Variants in SNTB2 observed in about 807,000 individuals in gnomAD.
The protein encoded by SNTB2 is beta-2-syntrophin.
Under a neutral mutation model 46.2 loss-of-function variants are expected in SNTB2, and 34 were observed. The observed-to-expected ratio is 0.74, with a 90% CI of 0.56 to 0.98. The LOEUF (loss-of-function observed/expected upper bound fraction) is 0.98, where lower values mean the gene tolerates loss of function less well. Among genes scored for constraint, SNTB2 ranks in the 50% least tolerant of loss-of-function variants. The pLI is 0.00. For missense variants in SNTB2, 603 were observed against 731.4 expected (o/e 0.82, Z 2.02); for synonymous variants, 290 against 312.6 (o/e 0.93, Z 0.76).
rs868820657 is a variant in SNTB2 at position 69,249,473 on chromosome 16, G to A, written c.794+3658G>A. Among the ~76,000 whole-genome samples the A allele has an allele frequency of 9.2e-5, 14 of 152,346 alleles. No homozygotes were observed. In the Middle Eastern group the frequency reaches 0.01, roughly 111 times the overall value. The stretch of plus-strand genomic sequence containing the variant: ...AGGAAGAAGATGATATGACTTGGCT[G>A]TATTGCTAAACGTTGTGCTACTTCG... On this transcript the variant is annotated intron_variant, in intron 2 of 6. Transcript: ENST00000336278.
In SNTB2 at chr16:69,300,813, T is replaced by C. The variant is rs1037949011; in HGVS notation, c.1531-19T>C. ...TATATGGTAGTGAGGTAGTGATGCT[T>C]AGTGTCCTTTCTCCACAGACCATGG... On this transcript the variant is annotated intron_variant, in intron 6 of 6. Coordinates refer to ENST00000336278, the MANE Select transcript of SNTB2 (RefSeq NM_006750.4). 3 of 1,531,836 alleles carry C rather than the reference T, an allele frequency of 2.0e-6. No individual in the cohort carries two copies. In the African/African-American group the frequency reaches 4.1e-5, roughly 21 times the overall value. 94.9% of individuals were successfully genotyped at this position (1,531,836 alleles called of 1,614,324 possible).
At chr16:69,285,996 T>C (rs1567415032) in intron 5 of SNTB2, among the ~76,000 whole-genome samples, 1 of 152,176 alleles carries the variant, frequency 6.6e-6, no homozygotes, top group Non-Finnish European at 1.5e-5. Flanking sequence ...TTTCACCATA[T>C]TGGCCAGGCT....
In SNTB2 at chr16:69,308,883, A is replaced by G. The variant is rs183945901; in HGVS notation, c.*7959A>G. 6 of 152,674 alleles carry G rather than the reference A, an allele frequency of 3.9e-5. No homozygotes were observed. Among genetic ancestry groups the G allele is most frequent in the African/African-American group, 1.2e-4 (5 of 41,582 alleles). 9.5% of individuals were successfully genotyped at this position (152,674 alleles called of 1,614,324 possible). On this transcript the variant is annotated 3_prime_UTR_variant, in exon 7 of 7. Transcript: ENST00000336278. ...TGTGTTCCTAATTTTAAAAAGCTTTATGTATACTCTATAAATATAGATGCA... is the reference window on the plus strand; with the variant it reads ...TGTGTTCCTAATTTTAAAAAGCTTTGTGTATACTCTATAAATATAGATGCA...
chr16:69,189,488 C>T (rs1374496244), intron 1 of SNTB2, among the ~76,000 whole-genome samples: 1 of 152,204 alleles, frequency 6.6e-6, no homozygotes, highest in Non-Finnish European at 1.5e-5. Context: ...GGCGTGGTGG[C>T]TCATGCCTAT....
At chr16:69,259,602 C>CTTTT (rs746479723) in intron 2 of SNTB2, among the ~76,000 whole-genome samples, 2 of 120,616 alleles carry the variant, frequency 1.7e-5, no homozygotes, top group Non-Finnish European at 1.8e-5. Flanking sequence ...GAGAAAGTAT[C>CTTTT]TTTTTTTTTT....
chr16:69,237,319 A>G (rs1165627761), intron 1 of SNTB2, among the ~76,000 whole-genome samples: 1 of 152,212 alleles, frequency 6.6e-6, no homozygotes, highest in Non-Finnish European at 1.5e-5. Context: ...ATTGCCATAC[A>G]TATTGGAATG....
intron 2 of SNTB2, among the ~76,000 whole-genome samples, chr16:69,255,554 C>T (rs1302793833): frequency 1.4e-5 from 2 of 143,020 alleles, no homozygotes; most frequent in South Asian, 2.2e-4. Context: ...AGCCAGACTC[C>T]GTCTTAAAAA....
intron 4 of SNTB2, among the ~76,000 whole-genome samples, chr16:69,271,416 T>C (rs937911783): frequency 9.9e-5 from 15 of 152,124 alleles, no homozygotes; most frequent in African/African-American, 3.6e-4. Context: ...TAATATTTGG[T>C]TTTTTAAATC....
At chr16:69,217,283 G>A (rs1407724720) in intron 1 of SNTB2, among the ~76,000 whole-genome samples, 1 of 152,036 alleles carries the variant, frequency 6.6e-6, no homozygotes, top group African/African-American at 2.4e-5. Context: ...TGACCAGCCT[G>A]GGCAACATGG....
intron 2 of SNTB2, among the ~76,000 whole-genome samples, chr16:69,250,202 T>G (rs1964712973): frequency 6.6e-6 from 1 of 152,242 alleles, no homozygotes; most frequent in African/African-American, 2.4e-5. Flanking sequence ...CATGCGTTTT[T>G]TAGACATAAA....
intron 1 of SNTB2, among the ~76,000 whole-genome samples, chr16:69,225,809 C>T (rs895732202): frequency 1.3e-5 from 2 of 152,160 alleles, no homozygotes; most frequent in Admixed American, 6.5e-5. Flanking sequence ...ACTCTGTCAC[C>T]CAGGCTGGAG....
rs1964775203 is a variant in SNTB2 at position 69,256,272 on chromosome 16, A to C, written c.795-3778A>C. Among the ~76,000 whole-genome samples the C allele has an allele frequency of 3.3e-5, 5 of 152,280 alleles. No individual in the cohort carries two copies. The South Asian group carries it at 1.0e-3, about 32-fold the overall frequency. ...TGGCTTCAAGTGATTTCCCCGCCTC[A>C]GCCTCCCCAAAGTGTTGGGATTACA... On this transcript the variant is annotated intron_variant, in intron 2 of 6. Transcript: ENST00000336278.
intron 1 of SNTB2, among the ~76,000 whole-genome samples, chr16:69,200,385 G>A (rs1209089588): frequency 6.6e-6 from 1 of 152,190 alleles, no homozygotes; most frequent in Non-Finnish European, 1.5e-5. Context: ...TACTCCTCCA[G>A]ACTGTACCAT....
At chr16:69,272,994 T>G (rs1367745190) in intron 4 of SNTB2, among the ~76,000 whole-genome samples, 1 of 152,100 alleles carries the variant, frequency 6.6e-6, no homozygotes, top group African/African-American at 2.4e-5. Context: ...TTCAGCATCC[T>G]TAGCCATCAG....
intron 4 of SNTB2, among the ~76,000 whole-genome samples, chr16:69,278,720 T>C (rs1365678612): frequency 6.6e-6 from 1 of 152,252 alleles, no homozygotes; most frequent in Non-Finnish European, 1.5e-5. Context: ...CCTCCCAACG[T>C]GCTGGGATTA....
At chr16:69,235,097 G>A (rs1164421519) in intron 1 of SNTB2, among the ~76,000 whole-genome samples, 1 of 151,510 alleles carries the variant, frequency 6.6e-6, no homozygotes, top group Non-Finnish European at 1.5e-5. Context: ...TGCAGCCTCT[G>A]TCGCCTGGTT....
intron 2 of SNTB2, among the ~76,000 whole-genome samples, chr16:69,248,669 C>T (rs945223970): frequency 7.9e-5 from 12 of 151,904 alleles, no homozygotes; most frequent in Admixed American, 2.6e-4. Context: ...AAATGAGATA[C>T]ATTTGAGCTA....
At chr16:69,206,187 C>T (rs1964216476) in intron 1 of SNTB2, among the ~76,000 whole-genome samples, 1 of 152,056 alleles carries the variant, frequency 6.6e-6, no homozygotes, top group South Asian at 2.1e-4. Context: ...TTAGTAGAGA[C>T]AGGGTTCTCA....
At chr16:69,217,849 T>C (rs1327512060) in intron 1 of SNTB2, among the ~76,000 whole-genome samples, 1 of 152,182 alleles carries the variant, frequency 6.6e-6, no homozygotes, top group Non-Finnish European at 1.5e-5. Context: ...GTCTCTCAAC[T>C]TATCCTGGTT....
Sources: allele counts gnomAD v4.1 joint callset (sites outside exome capture counted in the v4.1 genomes callset), GRCh38; gene constraint gnomAD v4.1.1; transcripts MANE v1.5; gene names NCBI Gene and HGNC (gene_info 2026-07-23, HGNC 2026-07-21).